VPS35L: variants seen among roughly 807,000 people sequenced by gnomAD.
VPS35L encodes the protein VPS35 endosomal protein sorting factor like.
Under a neutral mutation model 133.0 loss-of-function variants are expected in VPS35L, and 83 were observed. The ratio of observed to expected loss-of-function variants is 0.62; its 90% CI spans 0.52 to 0.75. The LOEUF (loss-of-function observed/expected upper bound fraction) is 0.75, where lower values mean the gene tolerates loss of function less well. Among genes scored for constraint, VPS35L ranks in the 30% least tolerant of loss-of-function variants. The pLI, the probability that VPS35L is intolerant of heterozygous loss-of-function variation, is 0.00. For synonymous variants in VPS35L, 423 were observed against 449.9 expected, an observed-to-expected ratio of 0.94 and a Z score of 0.76; for missense variants, 1,083 against 1,206.8, an observed-to-expected ratio of 0.90 and a Z score of 1.52.
At chr16:19,597,375 A>G (rs1972250158) in intron 8 of VPS35L, among the ~76,000 whole-genome samples, 1 of 150,826 alleles carries the variant, frequency 6.6e-6, no homozygotes, top group Non-Finnish European at 1.5e-5. Flanking sequence ...AAAAGAAGAA[A>G]AAAAAAAAAA....
intron 3 of VPS35L, among the ~76,000 whole-genome samples, chr16:19,570,251 T>C (rs1487988663): frequency 6.6e-6 from 1 of 152,000 alleles, no homozygotes. Context: ...TTGGTAGAGA[T>C]GGGCTTTCAT....
At chr16:19,691,924 G>C (rs1975704010) in intron 29 of VPS35L, among the ~76,000 whole-genome samples, 2 of 151,750 alleles carry the variant, frequency 1.3e-5, no homozygotes, top group South Asian at 4.2e-4. Context: ...GCCTGGGCTG[G>C]AGTGCAGTGG....
At chr16:19,663,817 A>T (rs1974573581) in intron 26 of VPS35L, among the ~76,000 whole-genome samples, 2 of 151,862 alleles carry the variant, frequency 1.3e-5, no homozygotes, top group South Asian at 4.2e-4. Context: ...AGGCAGCATG[A>T]ATAATCAAAA....
At chr16:19,688,865 C>G (rs1194365500) in intron 28 of VPS35L, among the ~76,000 whole-genome samples, 1 of 152,158 alleles carries the variant, frequency 6.6e-6, no homozygotes, top group Admixed American at 6.5e-5. Context: ...GTTGTGAACT[C>G]TAGGGTTTGC....
Position 19,679,475 on chromosome 16 carries a change from ATTTATTTAT to A in VPS35L, c.2362-2747_2362-2739del, listed in dbSNP as rs1567481431. Among the ~76,000 whole-genome samples, 26 of 93,388 alleles carry A rather than the reference ATTTATTTAT, an allele frequency of 2.8e-4. 1 individual carries two copies. The highest frequency in any genetic ancestry group is 1.4e-3 in the African/African-American group (24 of 17,146). The allele number at this position is 93,388 out of a possible 152,430, so 61.3% of individuals were successfully genotyped here. On this transcript the variant is annotated intron_variant, in intron 27 of 30. Coordinates refer to ENST00000417362, the MANE Select transcript of VPS35L (RefSeq NM_020314.7). ...TTGCCCAGGTTAAGAACAATTATTT[ATTTATTTAT>A]TTATTTATTTATTTATTTATTTATT...
intron 26 of VPS35L, among the ~76,000 whole-genome samples, chr16:19,666,980 CTTTCTTTCTTTCTTTTTTT>C (rs1974712431): frequency 6.8e-6 from 1 of 146,522 alleles, no homozygotes; most frequent in African/African-American, 2.5e-5. Flanking sequence ...TTCTTCCTTT[CTTTCTTTCTTTCTTTTTTT>C]TTGAGACAGA....
chr16:19,570,889 A>ATTTTTTTTTTT (rs1489865417), intron 3 of VPS35L, among the ~76,000 whole-genome samples: 15 of 91,838 alleles, frequency 1.6e-4, no homozygotes, highest in African/African-American at 7.0e-4. Context: ...ATATATATAT[A>ATTTTTTTTTTT]TTTTTGAGAT....
In VPS35L at chr16:19,581,849, G is replaced by A. The variant is rs558278659; in HGVS notation, c.639+196G>A. On this transcript the variant is annotated intron_variant, in intron 7 of 30. Transcript: ENST00000417362. ...AGATGGCTAATCCCAGGGTTACCAT[G>A]TGCAGCTGCACAGGTTGTGCACTGC... 6.3e-4 allele frequency: 426 copies of A among 671,390 alleles called. 10 individuals carry two copies. The South Asian group carries it at 7.3e-3, about 11-fold the overall frequency. 41.6% of individuals were successfully genotyped at this position (671,390 alleles called of 1,614,324 possible).
intron 8 of VPS35L, among the ~76,000 whole-genome samples, chr16:19,598,014 C>T (rs1972270964): frequency 1.3e-5 from 2 of 152,116 alleles, no homozygotes; most frequent in Non-Finnish European, 2.9e-5. Flanking sequence ...CTGGCATGCA[C>T]AGTGGGAAGA....
In VPS35L at chr16:19,601,693, A is replaced by G. The variant is rs1267318453; in HGVS notation, c.754A>G (p.Met252Val). ...GCTCGTGTACGAGCGCATCTTTTCC[A>G]TGTGTGTGGATAGCCGCAGCGTCTT... ...GKLVYERIFS[M>V]CVDSRSVLPD... The change falls in exon 9 of 31, where the codon ATG becomes GTG. Residue 252 changes from methionine to valine, a missense_variant. By Grantham distance (21) the Met-to-Val change is conservative (BLOSUM62 1). Coordinates refer to ENST00000417362, the MANE Select transcript of VPS35L (RefSeq NM_020314.7). The G allele has an allele frequency of 6.2e-7, 1 of 1,614,042 alleles. No individual in the cohort carries two copies. Among genetic ancestry groups the G allele is most frequent in the South Asian group, 1.1e-5 (1 of 91,066 alleles).
intron 2 of VPS35L, among the ~76,000 whole-genome samples, chr16:19,566,130 G>C (rs1391561893): frequency 6.6e-6 from 1 of 152,158 alleles, no homozygotes; most frequent in Non-Finnish European, 1.5e-5. Context: ...TCCCCATGCT[G>C]TTGTGTGGCT....
At chr16:19,695,425 G>T (rs1045658383) in intron 29 of VPS35L, among the ~76,000 whole-genome samples, 1 of 152,164 alleles carries the variant, frequency 6.6e-6, no homozygotes, top group Admixed American at 6.5e-5. Flanking sequence ...GATTCTGAAA[G>T]AATAGCAAAG....
intron 24 of VPS35L, 30 bp downstream of exon 24, chr16:19,647,912 C>T (rs776449728): frequency 6.6e-7 from 1 of 1,520,556 alleles, no homozygotes. Flanking sequence ...AGTTTCTTCT[C>T]TCAGTAAATA....
chr16:19,626,275 T>C (rs1973259175), intron 15 of VPS35L, 52 bp downstream of exon 15: 1 of 1,378,416 alleles, frequency 7.3e-7, no homozygotes, highest in African/African-American at 1.4e-5. Context: ...CGTTGGCTGC[T>C]ATTTTTGAGC....
intron 2 of VPS35L, among the ~76,000 whole-genome samples, chr16:19,567,706 A>G (rs796602210): frequency 3.3e-5 from 5 of 152,206 alleles, no homozygotes; most frequent in African/African-American, 1.2e-4. Flanking sequence ...ATGGTAGCTC[A>G]TGCCTGTACT....
chr16:19,633,818 A>C lies in VPS35L; in HGVS notation c.1635+646A>C, dbSNP rs1042105605. 6.6e-5 allele frequency among the ~76,000 whole-genome samples: 10 copies of C among 151,916 alleles called. No individual in the cohort carries two copies. The highest frequency in any genetic ancestry group is 2.4e-4 in the African/African-American group (10 of 41,366). On this transcript the variant is annotated intron_variant, in intron 19 of 30. Transcript: ENST00000417362. The surrounding 1 kb of genome is among the most constrained non-coding windows in gnomAD (Gnocchi z 4.1). ...AGTGGTGCGATCTTGGCTCATTGCA[A>C]CCTCCACCTTCAATTCTTCTGTCTC...
intron 27 of VPS35L, among the ~76,000 whole-genome samples, chr16:19,676,357 G>C (rs187963443): frequency 6.6e-6 from 1 of 152,358 alleles, no homozygotes; most frequent in East Asian, 1.9e-4. Flanking sequence ...ACAGTCCCCA[G>C]GGTGGCCCTC....
chr16:19,639,596 C>T lies in VPS35L; in HGVS notation c.1699-419C>T, dbSNP rs1017425549. ...AGGCTAGAGTGCAGTGGAGTGATCT[C>T]GGTTCACTGCAACTTCCGCCTTCCC... is the stretch of plus-strand genomic sequence containing the variant. On this transcript the variant is annotated intron_variant, in intron 20 of 30. Coordinates refer to ENST00000417362, the MANE Select transcript of VPS35L (RefSeq NM_020314.7). The surrounding 1 kb of genome is among the most constrained non-coding windows in gnomAD (Gnocchi z 4.1). Among the ~76,000 whole-genome samples the T allele has an allele frequency of 4.6e-5, 7 of 152,176 alleles. No individual in the cohort carries two copies. The highest frequency in any genetic ancestry group is 1.0e-4 in the Non-Finnish European group (7 of 68,030).
At chr16:19,695,556 G>GT (rs1391981737) in intron 29 of VPS35L, among the ~76,000 whole-genome samples, 2 of 152,130 alleles carry the variant, frequency 1.3e-5, no homozygotes, top group African/African-American at 2.4e-5. Flanking sequence ...GCTCATGCCT[G>GT]TAATCCCAAC....
Sources: allele counts gnomAD v4.1 joint callset (sites outside exome capture counted in the v4.1 genomes callset), GRCh38; gene constraint gnomAD v4.1.1; non-coding constraint Gnocchi (gnomAD v3.1); transcripts MANE v1.5; gene names NCBI Gene and HGNC (gene_info 2026-07-23, HGNC 2026-07-21).